The following IWS1 variants were observed in gnomAD, a reference collection of about 807,000 sequenced individuals.
The protein encoded by IWS1 is interacts with SUPT6H, CTD assembly factor 1, also known as protein IWS1 homolog.
A neutral mutation model predicts 86.7 loss-of-function variants in IWS1; 27 were observed. The observed-to-expected ratio is 0.31, with a 90% CI of 0.23 to 0.43. The LOEUF (loss-of-function observed/expected upper bound fraction) is 0.43, where lower values mean the gene tolerates loss of function less well. IWS1 is among the 20% of genes least tolerant of loss of function. The probability of loss-of-function intolerance (pLI) is 1.00; values close to 1 mark genes in which losing one functional copy is unlikely to be tolerated. For missense variants in IWS1, 827 were observed against 1,000.8 expected (o/e 0.83, Z 2.34); for synonymous variants, 313 against 335.1 (o/e 0.93, Z 0.72).
At chr2:127,498,389 G>T in intron 5 of IWS1, 152 bp from the exon 6 acceptor site, 1 of 671,814 alleles carries the variant, frequency 1.5e-6, no homozygotes, top group Non-Finnish European at 2.5e-6. Flanking sequence ...CCAGCCACTA[G>T]TGTTACTAGG....
At chr2:127,526,524 G>A (rs757078965), upstream of IWS1, 11 of 1,469,148 alleles carry the variant, frequency 7.5e-6, no homozygotes, top group Admixed American at 2.3e-4. Flanking sequence ...GCGCGCAGGC[G>A]CCGCAACCCG....
intron 1 of IWS1, among the ~76,000 whole-genome samples, chr2:127,525,782 T>A (rs562889463): frequency 6.6e-5 from 10 of 152,242 alleles, no homozygotes; most frequent in African/African-American, 2.4e-4. Flanking sequence ...GCAAGCAAGA[T>A]TAAACCACTC....
At chr2:127,506,835 T>G (rs1369873045) in intron 2 of IWS1, 3 of 163,418 alleles carry the variant, frequency 1.8e-5, no homozygotes, top group Non-Finnish European at 4.4e-5. Context: ...AAACTTGATA[T>G]GTGCATATTA....
At chr2:127,509,655 C>A (rs1199570695) in intron 2 of IWS1, among the ~76,000 whole-genome samples, 1 of 139,416 alleles carries the variant, frequency 7.2e-6, no homozygotes, top group East Asian at 2.2e-4. Context: ...TTGCAGTGAG[C>A]CAAGATCGTG....
At position 127,499,751 on chromosome 2, in the gene IWS1, T is replaced by G. The variant is rs1007631425; in HGVS notation, c.1468-1514A>C. ...TGCATTGGTTAAAAATAAGTATTGT[T>G]TTTTTTTTGACCCAAGAACTATTTA... On this transcript the variant is annotated intron_variant, in intron 5 of 13. Transcript: ENST00000295321. This position sits in a 1 kb window ranked among gnomAD's most constrained non-coding sequence, Gnocchi z 4.0. Among the ~76,000 whole-genome samples, 5 of 151,512 alleles carry G rather than the reference T, an allele frequency of 3.3e-5. No individual in the cohort carries two copies.
upstream of IWS1, chr2:127,526,558 A>G (rs902791137): frequency 2.1e-6 from 3 of 1,424,686 alleles, no homozygotes; most frequent in African/African-American, 4.3e-5. Flanking sequence ...GAGAAGACGC[A>G]ACAGCAATGA....
intron 6 of IWS1, among the ~76,000 whole-genome samples, chr2:127,497,647 T>G (rs75433853): frequency 6.6e-6 from 1 of 152,210 alleles, no homozygotes; most frequent in African/African-American, 2.4e-5. Flanking sequence ...AAAATGAAAC[T>G]ATTTTTTAAA....
At chr2:127,495,903 C>T (rs1690485889) in intron 7 of IWS1, 95 bp downstream of exon 7, 5 of 1,091,476 alleles carry the variant, frequency 4.6e-6, no homozygotes, top group Non-Finnish European at 6.3e-6. Context: ...AGCAAAGCAT[C>T]TTAATTGTAG....
At chr2:127,498,357 G>A (rs916549684) in intron 5 of IWS1, 120 bp from the exon 6 acceptor site, 14 of 912,348 alleles carry the variant, frequency 1.5e-5, no homozygotes, top group Non-Finnish European at 2.1e-5. Flanking sequence ...ATATCAAAAG[G>A]TACATAACAA....
At chr2:127,510,177 T>C (rs1047082742) in intron 2 of IWS1, among the ~76,000 whole-genome samples, 3 of 152,212 alleles carry the variant, frequency 2.0e-5, no homozygotes, top group African/African-American at 7.2e-5. Flanking sequence ...CACGGGACCT[T>C]AGTTCCAGAA....
At position 127,494,658 on chromosome 2, in the gene IWS1, G is replaced by GTTTTTCTTTCA. The variant is rs1573518648; in HGVS notation, c.1799+213_1799+214insTGAAAGAAAAA. On this transcript the variant is annotated intron_variant, in intron 8 of 13. Coordinates refer to ENST00000295321, the MANE Select transcript of IWS1 (RefSeq NM_017969.3). Reference sequence around the variant, plus strand: ...TTAGTAGTTTCCAAGTTTTTCTTTCGTTAGTATCAATTTTTTATTTGTTCT... The same window carrying GTTTTTCTTTCA: ...TTAGTAGTTTCCAAGTTTTTCTTTCGTTTTTCTTTCATTAGTATCAATTTTTTATTTGTTCT... The GTTTTTCTTTCA allele has an allele frequency of 2.4e-4, 87 of 359,552 alleles. 1 individual carries two copies. In the East Asian group the frequency reaches 3.8e-3, roughly 16 times the overall value. The allele number at this position is 359,552 out of a possible 1,614,324, so 22.3% of individuals were successfully genotyped here.
intron 13 of IWS1, chr2:127,484,587 C>T (rs1004998614): frequency 6.6e-6 from 1 of 152,204 alleles, no homozygotes; most frequent in Non-Finnish European, 1.5e-5. Context: ...GGAAACACAA[C>T]CTCTGCTTTC....
chr2:127,487,019 C>A lies in IWS1; in HGVS notation c.2217-355G>T, dbSNP rs574290961. ...TTTTCTCTTGTATAGTGGAGTCACT[C>A]ATGAGTTCACTTGTGAGATGAGGAA... is the stretch of plus-strand genomic sequence containing the variant. On this transcript the variant is annotated intron_variant, in intron 12 of 13. Transcript: ENST00000295321. Among the ~76,000 whole-genome samples the A allele has an allele frequency of 2.0e-5, 3 of 152,322 alleles. No individual in the cohort carries two copies. In the South Asian group the frequency reaches 6.2e-4, roughly 32 times the overall value.
intron 8 of IWS1, among the ~76,000 whole-genome samples, chr2:127,493,811 T>TGA (rs1232832178): frequency 2.3e-5 from 3 of 127,942 alleles, no homozygotes; most frequent in African/African-American, 9.1e-5. Flanking sequence ...AGGACACCAA[T>TGA]GAGACTAGCA....
At chr2:127,515,306 G>A (rs1344871472) in intron 2 of IWS1, among the ~76,000 whole-genome samples, 3 of 152,190 alleles carry the variant, frequency 2.0e-5, no homozygotes, top group Non-Finnish European at 4.4e-5. Flanking sequence ...GATGCTAAAT[G>A]TCCTGTTAAT....
In IWS1 at chr2:127,486,570, C is replaced by T; in HGVS notation, c.2311G>A (p.Glu771Lys). 6.2e-7 allele frequency: 1 copy of T among 1,613,838 alleles called. No homozygotes were observed. The highest frequency in any genetic ancestry group is 8.5e-7 in the Non-Finnish European group (1 of 1,179,708). Reference protein sequence around the residue: ...DYVVRPKWNVEMESSRFQATS... With the variant: ...DYVVRPKWNVKMESSRFQATS... ...TTGCTTACCCTGGATGACTCCATTT[C>T]CACATTCCATTTGGGCCTGACAACA... Residue 771 changes from glutamate to lysine, a missense_variant, in exon 13 of 14, where the codon GAA (glutamate) becomes AAA (lysine). This residue lies in a region of IWS1 where 279 missense variants were observed against 440.6 expected (regional missense o/e 0.63). Coordinates refer to ENST00000295321, the MANE Select transcript of IWS1 (RefSeq NM_017969.3).
At chr2:127,490,092 A>C in intron 10 of IWS1, 149 bp from the exon 11 acceptor site, 1 of 623,902 alleles carries the variant, frequency 1.6e-6, no homozygotes, top group Non-Finnish European at 2.9e-6. Context: ...TTTATAGGAT[A>C]AACAAAGCAT....
intron 2 of IWS1, among the ~76,000 whole-genome samples, chr2:127,518,615 G>A (rs1329633116): frequency 7.0e-6 from 1 of 143,074 alleles, no homozygotes; most frequent in East Asian, 2.0e-4. Context: ...GCCCAGGCTA[G>A]AGTACAATGG....
At chr2:127,481,239 ATCT>A in intron 13 of IWS1, 64 bp from the exon 14 acceptor site, 1 of 1,464,980 alleles carries the variant, frequency 6.8e-7, no homozygotes, top group South Asian at 1.4e-5. Flanking sequence ...TATGTCTTTC[ATCT>A]TCTTATAACT....
Sources: gnomAD v4.1 joint callset for allele counts (sites outside exome capture counted in the v4.1 genomes callset) on GRCh38, gnomAD v4.1.1 for gene constraint, gnomAD v4.1.1 regional missense constraint, Gnocchi (gnomAD v3.1) non-coding constraint, MANE v1.5 for transcripts, NCBI Gene and HGNC (gene_info 2026-07-23, HGNC 2026-07-21) for gene names.